SLC26A5: variants seen among roughly 807,000 people sequenced by gnomAD.
SLC26A5 encodes the protein solute carrier family 26 member 5.
Under a neutral mutation model 81.0 loss-of-function variants are expected in SLC26A5, and 51 were observed. The ratio of observed to expected loss-of-function variants is 0.63; its 90% CI spans 0.50 to 0.80. The LOEUF is 0.80. Ranked by LOEUF, SLC26A5 falls within the 30% of genes least tolerant of loss-of-function variation. The pLI, the probability that SLC26A5 is intolerant of heterozygous loss-of-function variation, is 0.00. For synonymous variants in SLC26A5, 325 were observed against 332.8 expected, an observed-to-expected ratio of 0.98 and a Z score of 0.25; for missense variants, 771 against 905.8, an observed-to-expected ratio of 0.85 and a Z score of 1.91.
chr7:103,387,349 C>G (rs1037979758), intron 14 of SLC26A5, among the ~76,000 whole-genome samples: 2 of 152,182 alleles, frequency 1.3e-5, no homozygotes, highest in Admixed American at 1.3e-4. Flanking sequence ...GGGTCAACAT[C>G]CTCATAAAGT....
chr7:103,401,377 G>T (rs1333848269), intron 8 of SLC26A5, among the ~76,000 whole-genome samples: 1 of 152,008 alleles, frequency 6.6e-6, no homozygotes, highest in African/African-American at 2.4e-5. Context: ...TATTTTTGAT[G>T]TATAGGAATG....
chr7:103,390,698 G>A (rs1009705611), intron 11 of SLC26A5, among the ~76,000 whole-genome samples, 192 bp from the exon 12 acceptor site: 3 of 151,988 alleles, frequency 2.0e-5, no homozygotes, highest in African/African-American at 7.3e-5. Context: ...TCTTCTTATG[G>A]CTTTTAAATG....
At chr7:103,369,547 A>G (rs896968342), downstream of SLC26A5, among the ~76,000 whole-genome samples, 1 of 152,246 alleles carries the variant, frequency 6.6e-6, no homozygotes, top group Non-Finnish European at 1.5e-5. Context: ...AATCGGCCAC[A>G]CATCAAATGT....
chr7:103,427,264 T>C (rs1345227045), intron 2 of SLC26A5, among the ~76,000 whole-genome samples: 3 of 151,940 alleles, frequency 2.0e-5, no homozygotes, highest in Non-Finnish European at 4.4e-5. Context: ...TTGGTAGAGA[T>C]TGAGGTTTCC....
At chr7:103,405,771 C>A (rs1036221387) in intron 8 of SLC26A5, among the ~76,000 whole-genome samples, 1 of 152,308 alleles carries the variant, frequency 6.6e-6, no homozygotes, top group East Asian at 1.9e-4. Flanking sequence ...GCTGAAGCTG[C>A]GCCCACAGCT....
At chr7:103,369,120 A>G (rs1820879157) in intron 19 of SLC26A5, 1 of 152,190 alleles carries the variant, frequency 6.6e-6, no homozygotes, top group African/African-American at 2.4e-5. Context: ...CAACATAGAA[A>G]ATGCTGCTTT....
chr7:103,446,071 G>T, intron 1 of SLC26A5, 27 bp downstream of exon 1: 1 of 152,070 alleles, frequency 6.6e-6, no homozygotes, highest in Non-Finnish European at 1.5e-5. Context: ...GCGACCCCCG[G>T]CCCCGCGGCC....
chr7:103,427,865 T>C (rs926152008), intron 2 of SLC26A5, among the ~76,000 whole-genome samples: 1 of 151,522 alleles, frequency 6.6e-6, no homozygotes, highest in Non-Finnish European at 1.5e-5. Context: ...TTTTTTTTTT[T>C]CTTTTGAGAT....
At chr7:103,354,352 A>C (rs937821124) in intron 19 of SLC26A5, among the ~76,000 whole-genome samples, 1 of 151,750 alleles carries the variant, frequency 6.6e-6, no homozygotes, top group African/African-American at 2.4e-5. Context: ...AGTTTTGCAT[A>C]ATTTCACACA....
intron 8 of SLC26A5, among the ~76,000 whole-genome samples, chr7:103,406,843 G>A (rs1586306263): frequency 1.3e-5 from 2 of 152,080 alleles, no homozygotes; most frequent in African/African-American, 4.8e-5. Context: ...AGTAGAGACG[G>A]GGTTTCACCA....
intron 4 of SLC26A5, among the ~76,000 whole-genome samples, chr7:103,413,664 A>T (rs1172664492): frequency 6.6e-6 from 1 of 152,130 alleles, no homozygotes; most frequent in African/African-American, 2.4e-5. Context: ...AAGTCTCATT[A>T]CCTTCCAGTT....
chr7:103,440,272 A>C (rs113784387), intron 2 of SLC26A5, among the ~76,000 whole-genome samples: 2 of 152,352 alleles, frequency 1.3e-5, no homozygotes, highest in Non-Finnish European at 2.9e-5. Flanking sequence ...ATTGTTGTTA[A>C]AAGTGTTCAA....
intron 19 of SLC26A5, chr7:103,362,580 T>A: frequency 7.0e-7 from 1 of 1,435,734 alleles, no homozygotes; most frequent in Non-Finnish European, 9.5e-7. Context: ...GGACTCTGTC[T>A]CTCTCTTGTT....
At chr7:103,360,923 C>A (rs1363089603) in intron 19 of SLC26A5, among the ~76,000 whole-genome samples, 1 of 151,756 alleles carries the variant, frequency 6.6e-6, no homozygotes, top group Non-Finnish European at 1.5e-5. Context: ...ACCAGCCTGG[C>A]CAACATGGTG....
intron 2 of SLC26A5, among the ~76,000 whole-genome samples, chr7:103,423,229 G>C (rs1436012549): frequency 6.6e-6 from 1 of 151,980 alleles, no homozygotes; most frequent in Non-Finnish European, 1.5e-5. Context: ...CTGAGATCGC[G>C]CCATTGTACT....
At chr7:103,394,932 G>A (rs1822964779) in intron 9 of SLC26A5, among the ~76,000 whole-genome samples, 1 of 152,166 alleles carries the variant, frequency 6.6e-6, no homozygotes. Flanking sequence ...AAGAGGTCTG[G>A]CAATGCTGCT....
At chr7:103,390,598 G>A in intron 11 of SLC26A5, 92 bp from the exon 12 acceptor site, 2 of 1,003,706 alleles carry the variant, frequency 2.0e-6, no homozygotes, top group Non-Finnish European at 3.2e-6. Context: ...TAATTACTAT[G>A]GGAAGATCAA....
In SLC26A5 at chr7:103,420,882, A is replaced by G; in HGVS notation, c.153-5T>C. On this transcript the variant is annotated splice_polypyrimidine_tract_variant and splice_region_variant and intron_variant, in intron 3 of 19. Coordinates refer to ENST00000306312, the MANE Select transcript of SLC26A5 (RefSeq NM_198999.3). ...CTTATTTTTTTAGGAGTACATCTGA[A>G]AGGACAAAGACAGACAGAGATAAAG... is the stretch of plus-strand genomic sequence containing the variant. 1.2e-6 allele frequency: 2 copies of G among 1,604,716 alleles called. No individual in the cohort carries two copies. Among genetic ancestry groups the G allele is most frequent in the Non-Finnish European group, 1.7e-6 (2 of 1,171,838 alleles).
Position 103,391,638 on chromosome 7 carries a change from G to T in SLC26A5, c.1217C>A (p.Thr406Asn), listed in dbSNP as rs753787701. Residue 406 changes from threonine to asparagine, a missense_variant, in exon 11 of 20, where the codon ACC (threonine) becomes AAC (asparagine). Physicochemically the swap from Thr to Asn is moderately conservative, Grantham distance 65. Transcript: ENST00000306312. ...SLSRSLVQEGTGGKTQLAGCL... is the reference protein window; with the variant it reads ...SLSRSLVQEGNGGKTQLAGCL... The stretch of plus-strand genomic sequence containing the variant: ...TGTACATACCTGTGTCTTCCCACCG[G>T]TTCCCTCCTGAACAAGGCTTCGAGA... 6 of 1,613,916 alleles carry T rather than the reference G, an allele frequency of 3.7e-6. No individual in the cohort carries two copies. Among genetic ancestry groups the T allele is most frequent in the Non-Finnish European group, 4.2e-6 (5 of 1,179,952 alleles).
Sources: gnomAD v4.1 joint callset for allele counts (sites outside exome capture counted in the v4.1 genomes callset) on GRCh38, gnomAD v4.1.1 for gene constraint, MANE v1.5 for transcripts, NCBI Gene and HGNC (gene_info 2026-07-23, HGNC 2026-07-21) for gene names.